Variants in FAM120A observed in about 807,000 individuals in gnomAD.
The protein encoded by FAM120A is constitutive coactivator of PPAR-gamma-like protein 1.
In FAM120A, 15 loss-of-function variants were observed where a neutral mutation model predicts 109.7. The ratio of observed to expected loss-of-function variants is 0.14; its 90% CI spans 0.09 to 0.21. FAM120A has a LOEUF of 0.21. Among genes scored for constraint, FAM120A ranks in the 10% least tolerant of loss-of-function variants. FAM120A has a pLI of 1.00. For missense variants in FAM120A, 899 were observed against 1,439.3 expected, an observed-to-expected ratio of 0.62 and a Z score of 6.07; for synonymous variants, 493 against 572.8, an observed-to-expected ratio of 0.86 and a Z score of 1.99.
intron 1 of FAM120A, 32 bp from the exon 2 acceptor site, chr9:93,471,109 A>G (rs1486728164): frequency 6.2e-7 from 1 of 1,612,356 alleles, no homozygotes; most frequent in Non-Finnish European, 8.5e-7. Flanking sequence ...GTGTTACCCT[A>G]CATCTGATGA....
chr9:93,564,646 GA>G lies in FAM120A; in HGVS notation c.*111del, dbSNP rs2131582018. 2 of 876,788 alleles carry G rather than the reference GA, an allele frequency of 2.3e-6. No homozygotes were observed. Among genetic ancestry groups the G allele is most frequent in the Non-Finnish European group, 3.3e-6 (2 of 597,366 alleles). 54.3% of individuals were successfully genotyped at this position (876,788 alleles called of 1,614,324 possible). ...TGTACATTTTGTCCTTTCCGTAAGAGAAAAATGAGGACTTTGGAAATTCAGA... is the reference window on the plus strand; with the variant it reads ...TGTACATTTTGTCCTTTCCGTAAGAGAAAATGAGGACTTTGGAAATTCAGA... On this transcript the variant is annotated 3_prime_UTR_variant, in exon 18 of 18. Transcript: ENST00000277165.
chr9:93,552,115 A>G (rs10821159), intron 12 of FAM120A, among the ~76,000 whole-genome samples: 2 of 151,980 alleles, frequency 1.3e-5, no homozygotes, highest in Non-Finnish European at 2.9e-5. Context: ...AGATTATTAC[A>G]TCAGTATTGA....
intron 5 of FAM120A, among the ~76,000 whole-genome samples, chr9:93,508,217 T>C (rs1240899901): frequency 6.6e-6 from 1 of 152,026 alleles, no homozygotes; most frequent in Non-Finnish European, 1.5e-5. Context: ...GAGAAGAAAT[T>C]TGCAAATAGG....
At chr9:93,483,148 C>G (rs1858893855) in intron 3 of FAM120A, among the ~76,000 whole-genome samples, 1 of 152,164 alleles carries the variant, frequency 6.6e-6, no homozygotes, top group African/African-American at 2.4e-5. Context: ...ATTGTCATAG[C>G]AGGAGGGGGT....
At chr9:93,540,973 A>G (rs1031064217) in intron 10 of FAM120A, among the ~76,000 whole-genome samples, 1 of 152,040 alleles carries the variant, frequency 6.6e-6, no homozygotes, top group African/African-American at 2.4e-5. Flanking sequence ...TTTAGTAAGA[A>G]TGCCTCTCTT....
intron 12 of FAM120A, among the ~76,000 whole-genome samples, chr9:93,555,570 G>C (rs1862259611): frequency 6.6e-6 from 1 of 152,162 alleles, no homozygotes. Flanking sequence ...TTTGATCCTG[G>C]ATAATCCACA....
chr9:93,452,897 ATGT>A lies in FAM120A; in HGVS notation c.474+513_474+515del, dbSNP rs1270028009. 4.2e-6 allele frequency: 6 copies of A among 1,438,566 alleles called. No individual in the cohort carries two copies. The highest frequency in any genetic ancestry group is 3.6e-6 in the Non-Finnish European group (4 of 1,104,038). The allele number at this position is 1,438,566 out of a possible 1,614,324, so 89.1% of individuals were successfully genotyped here. A position where few individuals can be genotyped will look rare whatever the true frequency, so the allele number is the denominator to read the frequency against. ...AGTGCTGCTGCCGCCGCCCTTGCCA[ATGT>A]TGTTAGCCCGGTGACAGCGAGACGT... On this transcript the variant is annotated intron_variant, in intron 1 of 17. Coordinates refer to ENST00000277165, the MANE Select transcript of FAM120A (RefSeq NM_014612.5). The surrounding 1 kb of genome is among the most constrained non-coding windows in gnomAD (Gnocchi z 7.0).
intron 7 of FAM120A, among the ~76,000 whole-genome samples, chr9:93,519,135 A>G (rs1258671702): frequency 6.6e-6 from 1 of 152,132 alleles, no homozygotes; most frequent in Non-Finnish European, 1.5e-5. Flanking sequence ...TGCCCTCGGG[A>G]CAGTGGGTCT....
At chr9:93,494,787 G>A (rs1226957509) in intron 3 of FAM120A, among the ~76,000 whole-genome samples, 1 of 152,130 alleles carries the variant, frequency 6.6e-6, no homozygotes, top group Non-Finnish European at 1.5e-5. Context: ...AGACCTGCTT[G>A]TTTCATTTGG....
chr9:93,479,067 G>C (rs1474206751), intron 3 of FAM120A, among the ~76,000 whole-genome samples: 2 of 150,484 alleles, frequency 1.3e-5, no homozygotes, highest in African/African-American at 4.9e-5. Flanking sequence ...GAAATGATGA[G>C]AGGTTTAAGA....
At chr9:93,507,249 T>G (rs1240423031) in intron 5 of FAM120A, among the ~76,000 whole-genome samples, 1 of 152,104 alleles carries the variant, frequency 6.6e-6, no homozygotes, top group African/African-American at 2.4e-5. Flanking sequence ...CATAGGTTTT[T>G]GGGAGATGGA....
intron 5 of FAM120A, among the ~76,000 whole-genome samples, chr9:93,511,133 C>T (rs1030728639): frequency 4.6e-5 from 7 of 151,914 alleles, no homozygotes; most frequent in Non-Finnish European, 7.4e-5. Context: ...TAATTTTTCC[C>T]GCTGTTCCGA....
At chr9:93,527,103 C>A in intron 7 of FAM120A, 52 bp from the exon 8 acceptor site, 2 of 1,486,142 alleles carry the variant, frequency 1.3e-6, no homozygotes, top group Admixed American at 1.7e-5. Context: ...TTATCATTGT[C>A]AGCTGGTTTG....
intron 3 of FAM120A, among the ~76,000 whole-genome samples, chr9:93,492,640 G>T (rs1214333138): frequency 6.6e-6 from 1 of 152,136 alleles, no homozygotes; most frequent in African/African-American, 2.4e-5. Context: ...AAGCTTCTCT[G>T]CACAGGCTCA....
In FAM120A at chr9:93,564,612, C is replaced by T; in HGVS notation, c.*72C>T. The T allele has an allele frequency of 7.7e-7, 1 of 1,293,268 alleles. No homozygotes were observed. Among genetic ancestry groups the T allele is most frequent in the Non-Finnish European group, 1.1e-6 (1 of 935,868 alleles). 80.1% of individuals were successfully genotyped at this position (1,293,268 alleles called of 1,614,324 possible). ...AGGAATATCTGGAGAGAAAGAGAGC[C>T]TGCAGTTATGTACATTTTGTCCTTT... is the stretch of plus-strand genomic sequence containing the variant. On this transcript the variant is annotated 3_prime_UTR_variant, in exon 18 of 18. Coordinates refer to ENST00000277165, the MANE Select transcript of FAM120A (RefSeq NM_014612.5).
At chr9:93,480,498 A>G (rs1858752374) in intron 3 of FAM120A, among the ~76,000 whole-genome samples, 1 of 152,116 alleles carries the variant, frequency 6.6e-6, no homozygotes, top group Non-Finnish European at 1.5e-5. Flanking sequence ...CAGGATGGGT[A>G]AAACCCCAGG....
intron 3 of FAM120A, among the ~76,000 whole-genome samples, chr9:93,479,756 T>C (rs945523276): frequency 1.3e-5 from 2 of 152,260 alleles, no homozygotes. Flanking sequence ...TAAACATGTG[T>C]CTTTACCAAT....
rs116109112 is a variant in FAM120A at position 93,470,334 on chromosome 9, T to C, written c.475-807T>C. Among the ~76,000 whole-genome samples the C allele has an allele frequency of 6.6e-3, 999 of 152,290 alleles. 13 individuals are homozygous for C. The highest frequency in any genetic ancestry group is 0.023 in the African/African-American group (965 of 41,536). Reference sequence around the variant, plus strand: ...ATTTAGAACATTTTTTCCAGGTGTTTTGGTATATTTTTTGGACTAGAGAGA... The same window carrying C: ...ATTTAGAACATTTTTTCCAGGTGTTCTGGTATATTTTTTGGACTAGAGAGA... On this transcript the variant is annotated intron_variant, in intron 1 of 17. Coordinates refer to ENST00000277165, the MANE Select transcript of FAM120A (RefSeq NM_014612.5).
intron 5 of FAM120A, among the ~76,000 whole-genome samples, chr9:93,504,953 T>A (rs1022044270): frequency 2.0e-5 from 3 of 152,162 alleles, no homozygotes; most frequent in African/African-American, 4.8e-5. Flanking sequence ...AGGTTTCAGT[T>A]GCATTTCCCT....
Sources: allele counts gnomAD v4.1 joint callset (sites outside exome capture counted in the v4.1 genomes callset), GRCh38; gene constraint gnomAD v4.1.1; non-coding constraint Gnocchi (gnomAD v3.1); transcripts MANE v1.5; gene names NCBI Gene and HGNC (gene_info 2026-07-23, HGNC 2026-07-21).